The following SAXO1 variants were observed in gnomAD, a reference collection of about 807,000 sequenced individuals.
SAXO1 encodes 4930500O09Rik.
Under a neutral mutation model 17.5 loss-of-function variants are expected in SAXO1, and 21 were observed. The observed-to-expected ratio is 1.20, with a 90% CI of 0.85 to 1.72. SAXO1 has a LOEUF of 1.72. Among genes scored for constraint, SAXO1 ranks in the 40% most tolerant of loss-of-function variants. The pLI is 0.00. For synonymous variants in SAXO1, 274 were observed against 216.5 expected, an observed-to-expected ratio of 1.27 and a Z score of -2.33; for missense variants, 843 against 596.0, an observed-to-expected ratio of 1.41 and a Z score of -4.32.
rs79718000 is a variant in SAXO1, at chr9:18,956,861, G to A, written c.39-5924C>T. Among the ~76,000 whole-genome samples the A allele has an allele frequency of 6.2e-4, 94 of 152,304 alleles. No homozygotes were observed. The East Asian group carries it at 0.014, about 23-fold the overall frequency. ...CTAATCTCACAGCAATGCGATGAGC[G>A]AGGCACTATCATCACCATTTTACAA... On this transcript the variant is annotated intron_variant, in intron 1 of 3. Coordinates refer to ENST00000380534, the MANE Select transcript of SAXO1 (RefSeq NM_153707.4).
intron 1 of SAXO1, among the ~76,000 whole-genome samples, chr9:18,994,794 T>A (rs1833940641): frequency 6.6e-6 from 1 of 152,166 alleles, no homozygotes; most frequent in Non-Finnish European, 1.5e-5. Context: ...TATTAGCAGT[T>A]CCACACTAAC....
At chr9:18,981,772 A>G (rs987703365) in intron 1 of SAXO1, among the ~76,000 whole-genome samples, 4 of 152,188 alleles carry the variant, frequency 2.6e-5, no homozygotes, top group African/African-American at 9.7e-5. Context: ...AATAAAAAAT[A>G]AAAAACAAAA....
At chr9:19,015,037 TCTG>T (rs1187829304) in intron 1 of SAXO1, among the ~76,000 whole-genome samples, 1 of 152,130 alleles carries the variant, frequency 6.6e-6, no homozygotes, top group Non-Finnish European at 1.5e-5. Flanking sequence ...AGAGAGTACT[TCTG>T]CTGATGATGA....
intron 3 of SAXO1, among the ~76,000 whole-genome samples, chr9:18,931,069 C>T (rs1365376785): frequency 1.3e-5 from 2 of 152,186 alleles, no homozygotes; most frequent in African/African-American, 4.8e-5. Flanking sequence ...ATCTGAAGTA[C>T]ACAATTTAGT....
intron 1 of SAXO1, among the ~76,000 whole-genome samples, chr9:19,005,517 T>G (rs1834448585): frequency 6.6e-6 from 1 of 152,170 alleles, no homozygotes; most frequent in African/African-American, 2.4e-5. Context: ...ATCAAGACTA[T>G]TCAATGTGGG....
intron 1 of SAXO1, among the ~76,000 whole-genome samples, chr9:19,047,808 A>C (rs1390488419): frequency 6.6e-6 from 1 of 152,192 alleles, no homozygotes; most frequent in Non-Finnish European, 1.5e-5. Flanking sequence ...CATACTTTTT[A>C]TCTGGAAACT....
At chr9:18,929,757 A>G (rs1014944586) in intron 3 of SAXO1, among the ~76,000 whole-genome samples, 7 of 152,218 alleles carry the variant, frequency 4.6e-5, no homozygotes, top group Non-Finnish European at 8.8e-5. Flanking sequence ...TTATAGATGC[A>G]GAAACAGATA....
At chr9:19,027,207 G>A in intron 1 of SAXO1, 3 of 1,187,738 alleles carry the variant, frequency 2.5e-6, no homozygotes, top group Non-Finnish European at 3.8e-6. Context: ...GGACAAGTGT[G>A]CTGTGATCAA....
chr9:19,033,738 G>A (rs1453058649), upstream of SAXO1, among the ~76,000 whole-genome samples: 4 of 152,200 alleles, frequency 2.6e-5, no homozygotes, highest in Non-Finnish European at 5.9e-5. Context: ...TGAAGCAGGC[G>A]TTCTCAAATT....
At chr9:18,950,960 T>G (rs192478144) in intron 1 of SAXO1, 23 bp from the exon 2 acceptor site, 3 of 1,593,296 alleles carry the variant, frequency 1.9e-6, no homozygotes, top group East Asian at 4.5e-5. Flanking sequence ...CAGAGTTAGG[T>G]TGATTACCTT....
chr9:19,034,137 G>C (rs1385239798), upstream of SAXO1, among the ~76,000 whole-genome samples: 1 of 152,198 alleles, frequency 6.6e-6, no homozygotes, highest in African/African-American at 2.4e-5. Flanking sequence ...ATGGGAAATG[G>C]GAGCTTAAAG....
At chr9:18,966,845 C>G (rs183808691) in intron 1 of SAXO1, among the ~76,000 whole-genome samples, 2 of 152,174 alleles carry the variant, frequency 1.3e-5, no homozygotes, top group Non-Finnish European at 2.9e-5. Flanking sequence ...GAATTTTCAG[C>G]CTTTTTGCAC....
chr9:18,955,794 C>T (rs947990125), intron 1 of SAXO1, among the ~76,000 whole-genome samples: 1 of 152,188 alleles, frequency 6.6e-6, no homozygotes, highest in Non-Finnish European at 1.5e-5. Flanking sequence ...TCAATGCCAC[C>T]ACTCCCACCC....
chr9:18,986,316 AG>A (rs1457310677), intron 1 of SAXO1, among the ~76,000 whole-genome samples: 3 of 152,264 alleles, frequency 2.0e-5, no homozygotes, highest in Admixed American at 6.5e-5. Context: ...AAAATGTTTT[AG>A]CCCCTGGGCA....
intron 1 of SAXO1, among the ~76,000 whole-genome samples, chr9:19,010,173 C>A (rs1834668990): frequency 2.0e-5 from 3 of 151,640 alleles, no homozygotes; most frequent in Admixed American, 2.0e-4. Flanking sequence ...ACAAAAACAC[C>A]TTATATAAAA....
At chr9:18,967,915 A>C (rs975621368) in intron 1 of SAXO1, among the ~76,000 whole-genome samples, 2 of 152,218 alleles carry the variant, frequency 1.3e-5, no homozygotes, top group Non-Finnish European at 1.5e-5. Context: ...CAGGTTGGGA[A>C]GACCGTTGGA....
At chr9:19,018,633 C>A (rs1438580959) in intron 1 of SAXO1, among the ~76,000 whole-genome samples, 1 of 152,142 alleles carries the variant, frequency 6.6e-6, no homozygotes, top group Non-Finnish European at 1.5e-5. Flanking sequence ...TACATGCAGA[C>A]ATAATCAGGG....
At chr9:18,973,618 T>C (rs1833030939) in intron 1 of SAXO1, among the ~76,000 whole-genome samples, 1 of 152,246 alleles carries the variant, frequency 6.6e-6, no homozygotes, top group African/African-American at 2.4e-5. Context: ...GCTGGGTGTC[T>C]CATCTGTCAA....
chr9:18,979,192 T>G (rs891301742), intron 1 of SAXO1, among the ~76,000 whole-genome samples: 1 of 150,262 alleles, frequency 6.7e-6, no homozygotes, highest in Admixed American at 6.7e-5. Flanking sequence ...AAGATTGAGA[T>G]AGACTTGCAG....
Sources: gnomAD v4.1 joint callset for allele counts (sites outside exome capture counted in the v4.1 genomes callset) on GRCh38, gnomAD v4.1.1 for gene constraint, MANE v1.5 for transcripts, NCBI Gene and HGNC (gene_info 2026-07-23, HGNC 2026-07-21) for gene names.